USP7: variants seen among roughly 807,000 people sequenced by gnomAD.
USP7 encodes the protein ubiquitin specific peptidase 7.
In USP7, 9 loss-of-function variants were observed where a neutral mutation model predicts 162.9. That is an observed-to-expected ratio of 0.06 (90% CI 0.03 to 0.10). The LOEUF (loss-of-function observed/expected upper bound fraction) is 0.10, where lower values mean the gene tolerates loss of function less well. Among genes scored for constraint, USP7 ranks in the 10% least tolerant of loss-of-function variants. USP7 has a pLI of 1.00. For missense variants in USP7, 715 were observed against 1,373.7 expected (o/e 0.52, Z 7.58); for synonymous variants, 562 against 475.9 (o/e 1.18, Z -2.35).
intron 10 of USP7, among the ~76,000 whole-genome samples, chr16:8,912,858 A>AC: frequency 6.6e-6 from 1 of 152,308 alleles, no homozygotes; most frequent in Non-Finnish European, 1.5e-5. Context: ...ATAAAAAAAA[A>AC]TTTAAAAAGT....
chr16:8,927,405 G>A (rs751285052), intron 2 of USP7, among the ~76,000 whole-genome samples: 1 of 152,006 alleles, frequency 6.6e-6, no homozygotes, highest in Non-Finnish European at 1.5e-5. Flanking sequence ...TTCTCCAAAT[G>A]GTGCTGTTGC....
At chr16:8,917,180 T>C in intron 6 of USP7, 24 bp from the exon 7 acceptor site, 2 of 1,575,420 alleles carry the variant, frequency 1.3e-6, no homozygotes, top group Non-Finnish European at 1.7e-6. Context: ...GAAATAAGAA[T>C]TTTTACTCTG....
intron 1 of USP7, among the ~76,000 whole-genome samples, chr16:8,940,061 G>A (rs536942950): frequency 6.6e-6 from 1 of 152,176 alleles, no homozygotes; most frequent in Non-Finnish European, 1.5e-5. Flanking sequence ...TCATGCCACT[G>A]AACTCCAGCA....
Position 8,893,592 on chromosome 16 carries a change from A to C in USP7, c.*406T>G, listed in dbSNP as rs2061635893. 5.4e-6 allele frequency: 1 copy of C among 185,554 alleles called. No individual in the cohort carries two copies. Among genetic ancestry groups the C allele is most frequent in the Non-Finnish European group, 1.2e-5 (1 of 85,862 alleles). 11.5% of individuals were successfully genotyped at this position (185,554 alleles called of 1,614,324 possible). A position where few individuals can be genotyped will look rare whatever the true frequency, so the allele number is the denominator to read the frequency against. ...AGTATAACTGAAGGAAATAGGTCAGACGAGCCTAAACACAAGACTTGCTAG... is the reference window on the plus strand; with the variant it reads ...AGTATAACTGAAGGAAATAGGTCAGCCGAGCCTAAACACAAGACTTGCTAG... On this transcript the variant is annotated 3_prime_UTR_variant, in exon 31 of 31. Transcript: ENST00000344836.
At chr16:8,958,056 G>GA (rs541371917) in intron 1 of USP7, among the ~76,000 whole-genome samples, 34 of 152,274 alleles carry the variant, frequency 2.2e-4, no homozygotes, top group African/African-American at 7.7e-4. Context: ...AGAGTACACT[G>GA]AAAAAAGTGT....
At chr16:8,955,036 G>A (rs937917213) in intron 1 of USP7, among the ~76,000 whole-genome samples, 1 of 152,222 alleles carries the variant, frequency 6.6e-6, no homozygotes, top group East Asian at 1.9e-4. Context: ...ACCACGAGAT[G>A]AATGACAGTG....
Position 8,899,688 on chromosome 16 carries a change from G to A in USP7, c.2379C>T (p.Arg793=), listed in dbSNP as rs749014851. The change falls in exon 22 of 31, where the codon CGC becomes CGT. Residue 793 remains arginine, a synonymous_variant. Transcript: ENST00000344836. ...AKEYFRDLYH[R]VDVIFCDKTI... ...TTTTATCACAGAAAATGACATCAAC[G>A]CGGTGGTAGAGATCTCGGAAATACT... 1.5e-5 allele frequency: 24 copies of A among 1,613,992 alleles called. No individual in the cohort carries two copies. Among genetic ancestry groups the A allele is most frequent in the Non-Finnish European group, 1.9e-5 (22 of 1,179,994 alleles).
At chr16:8,957,919 T>C (rs1250764489) in intron 1 of USP7, among the ~76,000 whole-genome samples, 2 of 152,154 alleles carry the variant, frequency 1.3e-5, no homozygotes, top group African/African-American at 2.4e-5. Context: ...AAAAACACCA[T>C]TACATTAACG....
At chr16:8,898,459 A>C in intron 24 of USP7, 22 bp from the exon 25 acceptor site, 3 of 1,608,908 alleles carry the variant, frequency 1.9e-6, no homozygotes, top group Non-Finnish European at 2.5e-6. Context: ...AGAAAGATTC[A>C]CATCAGATAC....
intron 18 of USP7, among the ~76,000 whole-genome samples, chr16:8,901,490 C>T (rs2061773595): frequency 6.6e-6 from 1 of 152,192 alleles, no homozygotes; most frequent in Admixed American, 6.5e-5. Context: ...CAAGACGGTA[C>T]TGAGTGCAGC....
chr16:8,920,975 C>T (rs1453519218), intron 4 of USP7, among the ~76,000 whole-genome samples, 182 bp downstream of exon 4: 2 of 152,284 alleles, frequency 1.3e-5, no homozygotes, highest in South Asian at 4.1e-4. Flanking sequence ...AGACGTGAAT[C>T]CAGAAAGCTG....
chr16:8,934,736 C>T (rs1418702778), intron 1 of USP7, among the ~76,000 whole-genome samples: 1 of 152,196 alleles, frequency 6.6e-6, no homozygotes, highest in Admixed American at 6.5e-5. Flanking sequence ...AGAAAGTGGT[C>T]AAGGCCAGTG....
At chr16:8,921,610 CT>C (rs1429010652) in intron 3 of USP7, among the ~76,000 whole-genome samples, 1 of 152,192 alleles carries the variant, frequency 6.6e-6, no homozygotes, top group Non-Finnish European at 1.5e-5. Flanking sequence ...TAGGGGTCAC[CT>C]CTCAGCGTTG....
chr16:8,895,792 AT>A (rs776606631), intron 26 of USP7, 51 bp from the exon 27 acceptor site: 8 of 1,240,964 alleles, frequency 6.4e-6, no homozygotes, highest in African/African-American at 3.1e-5. Flanking sequence ...ATATATTCAC[AT>A]AAAAATAAAA....
At chr16:8,923,107 T>A (rs1274620687) in intron 3 of USP7, 108 bp downstream of exon 3, 1 of 533,502 alleles carries the variant, frequency 1.9e-6, no homozygotes, top group East Asian at 5.1e-5. Flanking sequence ...GAAACACGTA[T>A]TTAATCTAAT....
intron 21 of USP7, 151 bp downstream of exon 21, chr16:8,900,379 A>G: frequency 2.0e-6 from 1 of 501,560 alleles, no homozygotes; most frequent in South Asian, 3.8e-5. Context: ...ACCTAATTTC[A>G]AAACCCAGAG....
chr16:8,901,288 TAAAA>T, intron 18 of USP7, 54 bp from the exon 19 acceptor site: 1 of 1,219,306 alleles, frequency 8.2e-7, no homozygotes, highest in Non-Finnish European at 1.2e-6. Flanking sequence ...GCACAATGCT[TAAAA>T]AACAAAAAAA....
At chr16:8,934,522 A>C (rs1334016832) in intron 1 of USP7, among the ~76,000 whole-genome samples, 2 of 152,252 alleles carry the variant, frequency 1.3e-5, no homozygotes, top group Non-Finnish European at 2.9e-5. Flanking sequence ...GATTAATTGC[A>C]GTGTGATGAC....
chr16:8,918,737 A>C (rs532234669), intron 6 of USP7, among the ~76,000 whole-genome samples: 1 of 152,346 alleles, frequency 6.6e-6, no homozygotes, highest in East Asian at 1.9e-4. Context: ...TGAACCCAGG[A>C]GACAGAGGCT....
Sources: allele counts gnomAD v4.1 joint callset (sites outside exome capture counted in the v4.1 genomes callset), GRCh38; gene constraint gnomAD v4.1.1; transcripts MANE v1.5; gene names NCBI Gene and HGNC (gene_info 2026-07-23, HGNC 2026-07-21).